ENOX1: variants seen among roughly 807,000 people sequenced by gnomAD.
ENOX1 encodes the protein candidate growth-related and time keeping constitutive hydroquinone (NADH) oxidase.
ENOX1 carries 42 observed loss-of-function variants against 82.5 expected under a neutral mutation model. The observed-to-expected ratio is 0.51, with a 90% CI of 0.40 to 0.66. The LOEUF is 0.66. ENOX1 is among the 30% of genes least tolerant of loss of function. The pLI is 0.00. For synonymous variants in ENOX1, 271 were observed against 282.2 expected, an observed-to-expected ratio of 0.96 and a Z score of 0.40; for missense variants, 608 against 811.6, an observed-to-expected ratio of 0.75 and a Z score of 3.05.
rs150059339 is a variant in ENOX1 at position 43,658,564 on chromosome 13, G to A, written c.-219+8915C>T. Among the ~76,000 whole-genome samples, 207 of 152,086 alleles carry A rather than the reference G, an allele frequency of 1.4e-3. 1 individual carries two copies. The highest frequency in any genetic ancestry group is 6.3e-4 in the Non-Finnish European group (43 of 68,006). ...TTAATCATTGTTATATTTAATTTGC[G>A]TTAGTTTCCTATGTACTTATCATGA... On this transcript the variant is annotated intron_variant, in intron 2 of 16. Coordinates refer to ENST00000690772, the MANE Select transcript of ENOX1 (RefSeq NM_001347969.2).
At chr13:43,229,537 T>G (rs1271835427) in intron 15 of ENOX1, among the ~76,000 whole-genome samples, 1 of 152,186 alleles carries the variant, frequency 6.6e-6, no homozygotes, top group Non-Finnish European at 1.5e-5. Context: ...GGAAAGAGTT[T>G]GGATTAGATT....
chr13:43,407,404 G>T (rs1362297353), intron 5 of ENOX1, among the ~76,000 whole-genome samples: 2 of 152,172 alleles, frequency 1.3e-5, no homozygotes, highest in African/African-American at 4.8e-5. Context: ...AGCGTCTCAC[G>T]AGAGGCTCAC....
At chr13:43,472,715 T>C (rs2058120994) in intron 3 of ENOX1, among the ~76,000 whole-genome samples, 1 of 152,220 alleles carries the variant, frequency 6.6e-6, no homozygotes, top group South Asian at 2.1e-4. Flanking sequence ...ATTTTTCTTG[T>C]TTATTTGTCC....
intron 2 of ENOX1, among the ~76,000 whole-genome samples, chr13:43,654,323 C>G (rs181099658): frequency 2.1e-3 from 326 of 152,320 alleles, no homozygotes; most frequent in African/African-American, 7.7e-3. Context: ...AACATCAACT[C>G]TTGCCTGAGT....
chr13:43,779,204 A>G (rs1485509410), intron 1 of ENOX1, among the ~76,000 whole-genome samples: 2 of 150,670 alleles, frequency 1.3e-5, no homozygotes, highest in Non-Finnish European at 3.0e-5. Flanking sequence ...AAAAAAAAAA[A>G]GCAGATTCTT....
intron 11 of ENOX1, among the ~76,000 whole-genome samples, chr13:43,305,175 A>G (rs2046789658): frequency 6.6e-6 from 1 of 152,144 alleles, no homozygotes; most frequent in South Asian, 2.1e-4. Flanking sequence ...TCCTAGGATG[A>G]CATCTGCCAA....
intron 14 of ENOX1, among the ~76,000 whole-genome samples, 196 bp from the exon 15 acceptor site, chr13:43,236,934 T>G (rs535773304): frequency 1.8e-4 from 28 of 152,372 alleles, no homozygotes; most frequent in Non-Finnish European, 3.7e-4. Context: ...TCCTAGGTAC[T>G]GCTCCCCGCA....
At chr13:43,293,075 C>T (rs952254025) in intron 12 of ENOX1, among the ~76,000 whole-genome samples, 2 of 152,106 alleles carry the variant, frequency 1.3e-5, no homozygotes, top group African/African-American at 2.4e-5. Flanking sequence ...ACCACAGCCA[C>T]CATCCTCACC....
chr13:43,618,454 T>G (rs963616773), intron 2 of ENOX1, among the ~76,000 whole-genome samples: 3 of 152,232 alleles, frequency 2.0e-5, no homozygotes, highest in Non-Finnish European at 4.4e-5. Flanking sequence ...TTCTCCTACA[T>G]GTGGCTAGCC....
At chr13:43,739,932 C>G (rs1158919996) in intron 1 of ENOX1, among the ~76,000 whole-genome samples, 1 of 152,106 alleles carries the variant, frequency 6.6e-6, no homozygotes, top group African/African-American at 2.4e-5. Flanking sequence ...TGATGCACTT[C>G]CACTTAATGA....
At chr13:43,443,949 T>G (rs1253754272) in intron 3 of ENOX1, among the ~76,000 whole-genome samples, 1 of 152,212 alleles carries the variant, frequency 6.6e-6, no homozygotes, top group Non-Finnish European at 1.5e-5. Flanking sequence ...TGTTTCTTTA[T>G]GACTAGCCTG....
chr13:43,575,829 C>A (rs2080397010), intron 2 of ENOX1, among the ~76,000 whole-genome samples: 1 of 152,158 alleles, frequency 6.6e-6, no homozygotes, highest in Admixed American at 6.5e-5. Context: ...ACACAAGTGG[C>A]CTGACAGTCA....
At chr13:43,487,454 T>C (rs1013251278) in intron 2 of ENOX1, among the ~76,000 whole-genome samples, 40 of 152,198 alleles carry the variant, frequency 2.6e-4, no homozygotes, top group Non-Finnish European at 1.2e-4. Flanking sequence ...TTAGACATTA[T>C]TTTCCAGGAT....
chr13:43,742,096 T>C (rs1353022034), intron 1 of ENOX1, among the ~76,000 whole-genome samples: 1 of 152,148 alleles, frequency 6.6e-6, no homozygotes, highest in Non-Finnish European at 1.5e-5. Context: ...TGGGCAAGGG[T>C]AGAAGCAGAG....
At chr13:43,519,712 A>G (rs2077689217) in intron 2 of ENOX1, among the ~76,000 whole-genome samples, 1 of 152,098 alleles carries the variant, frequency 6.6e-6, no homozygotes, top group Admixed American at 6.6e-5. Flanking sequence ...TCAGCAAGAG[A>G]AGGCAGCACC....
chr13:43,227,885 G>A (rs1326472841), intron 15 of ENOX1, among the ~76,000 whole-genome samples: 3 of 152,052 alleles, frequency 2.0e-5, no homozygotes. Flanking sequence ...AGTGTTGCTA[G>A]AGACACAGCC....
chr13:43,714,376 A>G (rs2087959512), intron 1 of ENOX1, among the ~76,000 whole-genome samples: 1 of 152,136 alleles, frequency 6.6e-6, no homozygotes, highest in African/African-American at 2.4e-5. Flanking sequence ...GGTGCTGAAA[A>G]AAATGTATAT....
chr13:43,395,255 A>G (rs1326826682), intron 5 of ENOX1, among the ~76,000 whole-genome samples: 3 of 152,208 alleles, frequency 2.0e-5, no homozygotes, highest in Non-Finnish European at 4.4e-5. Flanking sequence ...AGTGGCTCAC[A>G]CCTATAATCC....
chr13:43,660,437 T>G (rs1439520025), intron 2 of ENOX1, among the ~76,000 whole-genome samples: 1 of 152,240 alleles, frequency 6.6e-6, no homozygotes, highest in Non-Finnish European at 1.5e-5. Context: ...TACTCTTTTT[T>G]GTTCCCTCAA....
Sources: gnomAD v4.1 joint callset for allele counts (sites outside exome capture counted in the v4.1 genomes callset) on GRCh38, gnomAD v4.1.1 for gene constraint, MANE v1.5 for transcripts, NCBI Gene and HGNC (gene_info 2026-07-23, HGNC 2026-07-21) for gene names.